AGAP1: variants seen among roughly 807,000 people sequenced by gnomAD.
The protein encoded by AGAP1 is arf-GAP with GTPase, ANK repeat and PH domain-containing protein 1.
A neutral mutation model predicts 105.3 loss-of-function variants in AGAP1; 29 were observed. The observed-to-expected ratio is 0.28, with a 90% CI of 0.21 to 0.38. AGAP1 has a LOEUF of 0.38. AGAP1 is among the 10% of genes least tolerant of loss of function. The pLI, the probability that AGAP1 is intolerant of heterozygous loss-of-function variation, is 1.00. For missense variants in AGAP1, 998 were observed against 1,165.1 expected (o/e 0.86, Z 2.09); for synonymous variants, 509 against 485.9 (o/e 1.05, Z -0.63).
chr2:235,681,843 C>CTTTTTTTTTTTT (rs56934868), intron 1 of AGAP1, among the ~76,000 whole-genome samples: 1 of 78,302 alleles, frequency 1.3e-5, no homozygotes, highest in East Asian at 4.5e-4. Flanking sequence ...ATTTAGTTTG[C>CTTTTTTTTTTTT]TTTTTTTTTT....
At chr2:235,668,693 A>G (rs1214951270) in intron 1 of AGAP1, among the ~76,000 whole-genome samples, 1 of 152,250 alleles carries the variant, frequency 6.6e-6, no homozygotes, top group African/African-American at 2.4e-5. Flanking sequence ...ACCAGTATCT[A>G]TCAGCCCACC....
At chr2:236,004,469 A>G (rs1273021537) in intron 13 of AGAP1, among the ~76,000 whole-genome samples, 4 of 152,198 alleles carry the variant, frequency 2.6e-5, no homozygotes, top group Non-Finnish European at 4.4e-5. Flanking sequence ...CATACGTTGT[A>G]ATCTGTTAAA....
chr2:235,713,288 A>G (rs1950941666), intron 2 of AGAP1, among the ~76,000 whole-genome samples: 1 of 152,240 alleles, frequency 6.6e-6, no homozygotes. Flanking sequence ...AATAATTAGT[A>G]GGTAGAAATT....
chr2:235,869,293 G>A (rs971586871), intron 9 of AGAP1, among the ~76,000 whole-genome samples: 3 of 151,846 alleles, frequency 2.0e-5, no homozygotes, highest in East Asian at 1.9e-4. Flanking sequence ...GCTTAAAACA[G>A]TACCATTTTG....
At position 235,741,050 on chromosome 2, in the gene AGAP1, TGAGTATACATGC is replaced by T; in HGVS notation, c.396+3_396+14del. 2 of 1,613,322 alleles carry T rather than the reference TGAGTATACATGC, an allele frequency of 1.2e-6. No individual in the cohort carries two copies. ...GAAGGGGGCCCCCCGGAGGCGCAGG[TGAGTATACATGC>T]ATGCCCCAAGCCTGCTTTTTTTCCC... On this transcript the variant is annotated splice_donor_5th_base_variant and intron_variant, in intron 4 of 17. Coordinates refer to ENST00000304032, the MANE Select transcript of AGAP1 (RefSeq NM_001037131.3). This position sits in a 1 kb window ranked among gnomAD's most constrained non-coding sequence, Gnocchi z 4.9.
chr2:235,713,864 ATCT>A (rs1437558895), intron 2 of AGAP1, among the ~76,000 whole-genome samples: 1 of 152,198 alleles, frequency 6.6e-6, no homozygotes, highest in Admixed American at 6.5e-5. Flanking sequence ...CGTAGGTGGC[ATCT>A]TCTTGCTGTG....
At position 235,603,005 on chromosome 2, in the gene AGAP1, C is replaced by T. The variant is rs57100577; in HGVS notation, c.164-106174C>T. Among the ~76,000 whole-genome samples the T allele has an allele frequency of 5.1e-3, 778 of 152,232 alleles. 6 individuals are homozygous for T. Among genetic ancestry groups the T allele is most frequent in the Middle Eastern group, 0.027 (8 of 294 alleles). On this transcript the variant is annotated intron_variant, in intron 1 of 17. Coordinates refer to ENST00000304032, the MANE Select transcript of AGAP1 (RefSeq NM_001037131.3). ...GCGTGAGCCACCGTGCCTGGCCCAT[C>T]GGACACACTTCTTACTGATATGGTT... is the stretch of plus-strand genomic sequence containing the variant.
chr2:235,850,667 C>T (rs925960644), intron 9 of AGAP1, among the ~76,000 whole-genome samples: 2 of 152,246 alleles, frequency 1.3e-5, no homozygotes, highest in Non-Finnish European at 2.9e-5. Context: ...GTTGTGTATT[C>T]TCACAAAAAT....
At chr2:235,828,456 T>C (rs947111688) in intron 9 of AGAP1, among the ~76,000 whole-genome samples, 4 of 152,210 alleles carry the variant, frequency 2.6e-5, no homozygotes, top group African/African-American at 9.6e-5. Flanking sequence ...TTACTCAATG[T>C]CACTCAGCCT....
chr2:235,798,717 C>G (rs149775770), intron 7 of AGAP1, among the ~76,000 whole-genome samples: 2 of 151,768 alleles, frequency 1.3e-5, no homozygotes, highest in African/African-American at 2.4e-5. Flanking sequence ...ACCTCTGTAT[C>G]TACAAAAAAG....
intron 1 of AGAP1, among the ~76,000 whole-genome samples, chr2:235,595,451 C>T (rs1945495202): frequency 6.6e-6 from 1 of 152,218 alleles, no homozygotes. Context: ...CTGCTGCTGC[C>T]TTAATGTGCC....
chr2:235,628,063 C>T (rs1946700364), intron 1 of AGAP1, among the ~76,000 whole-genome samples: 1 of 152,084 alleles, frequency 6.6e-6, no homozygotes, highest in Admixed American at 6.5e-5. Context: ...AGGCTTCCCC[C>T]CGAAGCAAGG....
At chr2:235,650,283 A>T (rs1362724098) in intron 1 of AGAP1, among the ~76,000 whole-genome samples, 1 of 151,998 alleles carries the variant, frequency 6.6e-6, no homozygotes. Flanking sequence ...AATCACTTGA[A>T]CTCGGGAGGT....
At chr2:235,717,404 A>G (rs550347846) in intron 2 of AGAP1, among the ~76,000 whole-genome samples, 153 bp from the exon 3 acceptor site, 245 of 152,312 alleles carry the variant, frequency 1.6e-3, no homozygotes, top group South Asian at 5.8e-3. Context: ...TTTTACTCCA[A>G]TGGAAGTATT....
chr2:235,817,012 G>A (rs1364667436), intron 9 of AGAP1, among the ~76,000 whole-genome samples: 1 of 152,180 alleles, frequency 6.6e-6, no homozygotes, highest in Non-Finnish European at 1.5e-5. Context: ...CCTCGTGTAG[G>A]AACTTGGACT....
chr2:235,816,822 C>T (rs538159391), intron 9 of AGAP1, among the ~76,000 whole-genome samples: 2 of 151,492 alleles, frequency 1.3e-5, no homozygotes, highest in African/African-American at 2.4e-5. Flanking sequence ...ACCCAGGAGA[C>T]GGAGGTTGCA....
At chr2:235,918,736 A>T (rs1408726523) in intron 11 of AGAP1, among the ~76,000 whole-genome samples, 2 of 151,594 alleles carry the variant, frequency 1.3e-5, no homozygotes, top group Non-Finnish European at 2.9e-5. Flanking sequence ...TAAGTGATGG[A>T]TGTTGAGGAG....
chr2:236,120,544 T>C lies in AGAP1; in HGVS notation c.2370+97T>C, dbSNP rs1309739598. On this transcript the variant is annotated intron_variant, in intron 17 of 17. Transcript: ENST00000304032. The surrounding 1 kb of genome is among the most constrained non-coding windows in gnomAD (Gnocchi z 6.0). Reference sequence around the variant, plus strand: ...GCATCTTTCTGGCAGAAGGCTGTTGTTCTCGATCTGCAAGTGGAAACAGTT... The same window carrying C: ...GCATCTTTCTGGCAGAAGGCTGTTGCTCTCGATCTGCAAGTGGAAACAGTT... The C allele has an allele frequency of 1.9e-6, 3 of 1,556,674 alleles. No individual in the cohort carries two copies. Among genetic ancestry groups the C allele is most frequent in the Non-Finnish European group, 2.6e-6 (3 of 1,154,950 alleles).
intron 1 of AGAP1, among the ~76,000 whole-genome samples, chr2:235,653,350 G>T (rs1157497768): frequency 6.6e-6 from 1 of 152,004 alleles, no homozygotes; most frequent in East Asian, 1.9e-4. Context: ...TGTGGTCCCA[G>T]CTACTCGGGA....
Sources: allele counts gnomAD v4.1 joint callset (sites outside exome capture counted in the v4.1 genomes callset), GRCh38; gene constraint gnomAD v4.1.1; non-coding constraint Gnocchi (gnomAD v3.1); transcripts MANE v1.5; gene names NCBI Gene and HGNC (gene_info 2026-07-23, HGNC 2026-07-21).